The following POU2AF3 variants were observed in gnomAD, a reference collection of about 807,000 sequenced individuals.
POU2AF3 encodes the protein cancer susceptibility candidate 13.
chr11:111,298,698 C>A, the POU2AF3 span: 3 of 1,138,666 alleles, frequency 2.6e-6, no homozygotes, highest in Non-Finnish European at 3.4e-6. Flanking sequence ...AAAGTCAAGG[C>A]ATGCGAGTAA....
the POU2AF3 span, chr11:111,308,431 T>C: frequency 6.5e-7 from 1 of 1,544,420 alleles, no homozygotes; most frequent in South Asian, 1.2e-5. Flanking sequence ...ACATCTGCTA[T>C]AGTTAATAGA....
chr11:111,298,632 G>A, the POU2AF3 span: 2 of 1,245,638 alleles, frequency 1.6e-6, no homozygotes, highest in Non-Finnish European at 2.0e-6. Flanking sequence ...GCGGGCCAGG[G>A]GCATTTCAAT....
the POU2AF3 span, chr11:111,299,163 C>G: frequency 1.1e-6 from 1 of 946,516 alleles, no homozygotes; most frequent in African/African-American, 1.8e-5. Flanking sequence ...CCTGGGGAGA[C>G]CCTAACTCCT....
the POU2AF3 span, chr11:111,306,383 T>C: frequency 1.4e-6 from 2 of 1,399,702 alleles, no homozygotes; most frequent in Non-Finnish European, 1.9e-6. Flanking sequence ...CCTTTTTCCT[T>C]TCTCCTCTAG....
chr11:111,308,417 T>C, the POU2AF3 span: 6 of 1,550,494 alleles, frequency 3.9e-6, no homozygotes, highest in South Asian at 3.6e-5. Context: ...GGAAACAAAC[T>C]GTGACATCTG....
the POU2AF3 span, chr11:111,298,826 G>GCCGGGGGGCCC: frequency 1.3e-6 from 1 of 790,962 alleles, no homozygotes; most frequent in Non-Finnish European, 1.7e-6. Flanking sequence ...CGTACCCCAG[G>GCCGGGGGGCCC]CCCCCGCCCG....
At chr11:111,307,641 A>G in the POU2AF3 span, among the ~76,000 whole-genome samples, 143,788 of 152,282 alleles carry the variant, frequency 0.94, 68,381 homozygotes, top group East Asian at 1. Context: ...AGATCCTTGA[A>G]GATCCAAGTT....
the POU2AF3 span, among the ~76,000 whole-genome samples, chr11:111,305,296 T>C: frequency 2.0e-5 from 3 of 152,240 alleles, no homozygotes; most frequent in Non-Finnish European, 4.4e-5. Flanking sequence ...CAGGAACTTA[T>C]CTTTTTTTAG....
chr11:111,298,825 G>GGCCGGGGC, the POU2AF3 span: 3 of 852,674 alleles, frequency 3.5e-6, no homozygotes, highest in Non-Finnish European at 4.6e-6. Flanking sequence ...GCGTACCCCA[G>GGCCGGGGC]GCCCCCGCCC....
At chr11:111,298,646 GGT>G in the POU2AF3 span, 3 of 1,240,084 alleles carry the variant, frequency 2.4e-6, no homozygotes, top group Non-Finnish European at 3.1e-6. Context: ...TTTCAATCCG[GGT>G]GTGTTTCCAC....
At chr11:111,299,359 G>A in the POU2AF3 span, 1 of 992,190 alleles carries the variant, frequency 1.0e-6, no homozygotes, top group Non-Finnish European at 1.2e-6. Flanking sequence ...GGTCAGGGCC[G>A]GAGCCGCCCC....
At chr11:111,308,031 T>A in the POU2AF3 span, 1 of 1,462,370 alleles carries the variant, frequency 6.8e-7, no homozygotes, top group Non-Finnish European at 9.1e-7. Context: ...CCTGTCTAAG[T>A]TATTAAGCTC....
the POU2AF3 span, chr11:111,299,545 G>T: frequency 8.4e-7 from 1 of 1,196,276 alleles, no homozygotes. Context: ...CACCTCCCGC[G>T]AGCCGGGGCA....
the POU2AF3 span, chr11:111,298,787 G>T: frequency 8.4e-7 from 1 of 1,185,636 alleles, no homozygotes; most frequent in Non-Finnish European, 1.1e-6. Context: ...CAGAGGCCCA[G>T]AGGCCGAGTT....
At chr11:111,300,685 A>G in the POU2AF3 span, 3 of 923,088 alleles carry the variant, frequency 3.2e-6, no homozygotes, top group Non-Finnish European at 2.8e-6. Context: ...CTGTGTCTGC[A>G]AGGTGTGGAG....
the POU2AF3 span, chr11:111,298,671 A>G: frequency 3.5e-5 from 42 of 1,206,124 alleles, no homozygotes; most frequent in Non-Finnish European, 4.4e-5. Context: ...CTTTTCCTGC[A>G]TAGAACAGAG....
the POU2AF3 span, among the ~76,000 whole-genome samples, chr11:111,303,221 A>G: frequency 2.9e-4 from 44 of 152,016 alleles, no homozygotes; most frequent in African/African-American, 1.0e-3. Flanking sequence ...TTTCAGCCAG[A>G]TCAATTTGCA....
At chr11:111,307,416 G>A in the POU2AF3 span, among the ~76,000 whole-genome samples, 6 of 152,066 alleles carry the variant, frequency 3.9e-5, no homozygotes, top group East Asian at 5.8e-4. Flanking sequence ...ATTTTAGAGC[G>A]GATGGGAAAT....
chr11:111,298,845 C>T, the POU2AF3 span: 2 of 1,185,192 alleles, frequency 1.7e-6, no homozygotes, highest in East Asian at 3.4e-5. Flanking sequence ...CGCCCTCCCA[C>T]GTATCCACTG....
Sources: allele counts gnomAD v4.1 joint callset (sites outside exome capture counted in the v4.1 genomes callset), GRCh38; gene constraint gnomAD v4.1.1; transcripts MANE v1.5; gene names NCBI Gene and HGNC (gene_info 2026-07-23, HGNC 2026-07-21).